The following PDCD1LG2 variants were observed in gnomAD, a reference collection of about 807,000 sequenced individuals.
PDCD1LG2 encodes programmed cell death 1 ligand 2, also known as B7 dendritic cell molecule.
PDCD1LG2 carries 32 observed loss-of-function variants against 28.2 expected under a neutral mutation model. The observed-to-expected ratio is 1.13, with a 90% CI of 0.86 to 1.52. PDCD1LG2 has a LOEUF of 1.52. Among genes scored for constraint, PDCD1LG2 ranks in the 40% most tolerant of loss-of-function variants. PDCD1LG2 has a pLI of 0.00. For missense variants in PDCD1LG2, 385 were observed against 323.8 expected (o/e 1.19, Z -1.45); for synonymous variants, 116 against 120.2 (o/e 0.97, Z 0.23).
rs1816738038 is a variant in PDCD1LG2 at position 5,569,842 on chromosome 9, C to G, written c.817-112C>G. 6 of 1,075,042 alleles carry G rather than the reference C, an allele frequency of 5.6e-6. No homozygotes were observed. The Admixed American group carries it at 1.1e-4, about 20-fold the overall frequency. 66.6% of individuals were successfully genotyped at this position (1,075,042 alleles called of 1,614,324 possible). On this transcript the variant is annotated intron_variant, in intron 6 of 6. Coordinates refer to ENST00000397747, the MANE Select transcript of PDCD1LG2 (RefSeq NM_025239.4). This position sits in a 1 kb window ranked among gnomAD's most constrained non-coding sequence, Gnocchi z 4.1. ...GAAAAGTTTTAAACCATGCGGCTTC[C>G]AGCTAGATGAACTTTTTTAAAAAAA...
At chr9:5,556,208 A>C (rs1205176875) in intron 4 of PDCD1LG2, among the ~76,000 whole-genome samples, 1 of 152,186 alleles carries the variant, frequency 6.6e-6, no homozygotes, top group African/African-American at 2.4e-5. Flanking sequence ...CCTGCACAGG[A>C]CAAGGGTTTG....
Position 5,557,805 on chromosome 9 carries a change from G to C in PDCD1LG2, c.766+53G>C, listed in dbSNP as rs1816476998. ...AATGCACTGGGTGTCTGCAGCATGA[G>C]CCACTGCTTTGCACTGCAGGCCTAT... On this transcript the variant is annotated intron_variant, in intron 5 of 6. Coordinates refer to ENST00000397747, the MANE Select transcript of PDCD1LG2 (RefSeq NM_025239.4). 1.9e-6 allele frequency: 3 copies of C among 1,602,196 alleles called. No individual in the cohort carries two copies. In the South Asian group the frequency reaches 3.3e-5, roughly 18 times the overall value.
intron 4 of PDCD1LG2, among the ~76,000 whole-genome samples, chr9:5,549,970 G>T (rs1289023305): frequency 6.6e-6 from 1 of 152,160 alleles, no homozygotes; most frequent in African/African-American, 2.4e-5. Context: ...CCTCCCATTG[G>T]CTGAACCCAG....
chr9:5,569,854 C>A lies in PDCD1LG2; in HGVS notation c.817-100C>A. The A allele has an allele frequency of 7.9e-7, 1 of 1,273,374 alleles. No individual in the cohort carries two copies. The highest frequency in any genetic ancestry group is 1.9e-5 in the Admixed American group (1 of 53,912). 78.9% of individuals were successfully genotyped at this position (1,273,374 alleles called of 1,614,324 possible). A position where few individuals can be genotyped will look rare whatever the true frequency, so the allele number is the denominator to read the frequency against. On this transcript the variant is annotated intron_variant, in intron 6 of 6. Coordinates refer to ENST00000397747, the MANE Select transcript of PDCD1LG2 (RefSeq NM_025239.4). This position sits in a 1 kb window ranked among gnomAD's most constrained non-coding sequence, Gnocchi z 4.1. The stretch of plus-strand genomic sequence containing the variant: ...ACCATGCGGCTTCCAGCTAGATGAA[C>A]TTTTTTAAAAAAATTAGTTCCTCAC...
rs61760971 is a variant in PDCD1LG2, at chr9:5,534,930, C to T, written c.241C>T (p.Pro81Ser). ...AGCCACTTTGCTGGAGGAGCAGCTG[C>T]CCCTAGGGAAGGCCTCGTTCCACAT... ...ERATLLEEQL[P>S]LGKASFHIPQ... Residue 81 changes from proline (P) to serine (S), a missense_variant, in exon 3 of 7, where the codon CCC (proline) becomes TCC (serine). Pro to Ser is a moderately conservative substitution (Grantham distance 74). Coordinates refer to ENST00000397747, the MANE Select transcript of PDCD1LG2 (RefSeq NM_025239.4). 405 of 1,613,960 alleles carry T rather than the reference C, an allele frequency of 2.5e-4. 1 individual carries two copies. The highest frequency in any genetic ancestry group is 3.1e-4 in the Non-Finnish European group (364 of 1,180,006).
At position 5,569,365 on chromosome 9, in the gene PDCD1LG2, T is replaced by TA. The variant is rs1816727201; in HGVS notation, c.817-584dup. Among the ~76,000 whole-genome samples the TA allele has an allele frequency of 6.6e-6, 1 of 152,030 alleles. No individual in the cohort carries two copies. The highest frequency in any genetic ancestry group is 1.5e-5 in the Non-Finnish European group (1 of 68,018). ...GAGGGAGCAGTTCCCAGAACCCTAG[T>TA]AAAAATGGCAATGAGAAAGGTCCAT... On this transcript the variant is annotated intron_variant, in intron 6 of 6. Coordinates refer to ENST00000397747, the MANE Select transcript of PDCD1LG2 (RefSeq NM_025239.4). This position sits in a 1 kb window ranked among gnomAD's most constrained non-coding sequence, Gnocchi z 4.1.
At chr9:5,564,566 T>C (rs2129953208) in intron 6 of PDCD1LG2, among the ~76,000 whole-genome samples, 1 of 152,344 alleles carries the variant, frequency 6.6e-6, no homozygotes, top group East Asian at 1.9e-4. Flanking sequence ...CTAGATAGCT[T>C]TGGAAAGGTC....
intron 3 of PDCD1LG2, among the ~76,000 whole-genome samples, chr9:5,549,127 G>C (rs986776461): frequency 2.0e-5 from 3 of 152,122 alleles, no homozygotes; most frequent in African/African-American, 7.2e-5. Context: ...TATCAACAAT[G>C]CCATCTTTAT....
At chr9:5,545,247 T>C (rs970060316) in intron 3 of PDCD1LG2, among the ~76,000 whole-genome samples, 1 of 152,266 alleles carries the variant, frequency 6.6e-6, no homozygotes, top group Non-Finnish European at 1.5e-5. Flanking sequence ...AACTAGCCCT[T>C]GGCTAAAGCC....
chr9:5,548,135 C>T (rs1586812094), intron 3 of PDCD1LG2, among the ~76,000 whole-genome samples: 1 of 152,096 alleles, frequency 6.6e-6, no homozygotes, highest in East Asian at 1.9e-4. Context: ...AAAACATTTC[C>T]TCTACTCTGA....
intron 5 of PDCD1LG2, 94 bp from the exon 6 acceptor site, chr9:5,563,068 T>C (rs1186756487): frequency 2.8e-6 from 3 of 1,067,856 alleles, no homozygotes; most frequent in South Asian, 1.4e-5. Flanking sequence ...TGTGGATTTA[T>C]TTAGATTTAC....
At chr9:5,556,195 G>T (rs1816438346) in intron 4 of PDCD1LG2, among the ~76,000 whole-genome samples, 1 of 152,150 alleles carries the variant, frequency 6.6e-6, no homozygotes. Context: ...GACTATGAGG[G>T]AACCTGCACA....
chr9:5,525,873 C>T (rs1554644195), intron 2 of PDCD1LG2, among the ~76,000 whole-genome samples: 1 of 151,838 alleles, frequency 6.6e-6, no homozygotes, highest in Non-Finnish European at 1.5e-5. Context: ...ATGGTGAAAC[C>T]TCGTCTCTAC....
chr9:5,549,375 A>C lies in PDCD1LG2; in HGVS notation c.402A>C (p.Pro134=). Residue 134 remains proline, a synonymous_variant, in exon 4 of 7, where the codon CCA becomes CCC. Coordinates refer to ENST00000397747, the MANE Select transcript of PDCD1LG2 (RefSeq NM_025239.4). The stretch of plus-strand genomic sequence containing the variant: ...TAAACACTCACATCCTAAAGGTTCC[A>C]GAAACAGATGAGGTAGAGCTCACCT... ...RKINTHILKV[P]ETDEVELTCQ... is the part of the protein sequence containing the mutation. 6.2e-7 allele frequency: 1 copy of C among 1,614,184 alleles called. No individual in the cohort carries two copies. The highest frequency in any genetic ancestry group is 1.1e-5 in the South Asian group (1 of 91,086).
chr9:5,563,422 C>G (rs1352909912), intron 6 of PDCD1LG2, among the ~76,000 whole-genome samples: 1 of 152,152 alleles, frequency 6.6e-6, no homozygotes. Context: ...CCTAAGCACT[C>G]CTAGATGATA....
At chr9:5,561,606 C>A (rs934636500) in intron 5 of PDCD1LG2, among the ~76,000 whole-genome samples, 1 of 152,208 alleles carries the variant, frequency 6.6e-6, no homozygotes, top group Non-Finnish European at 1.5e-5. Flanking sequence ...CATTGACTTG[C>A]TGAGCCAATG....
intron 1 of PDCD1LG2, among the ~76,000 whole-genome samples, chr9:5,513,197 C>G (rs943580614): frequency 6.6e-6 from 1 of 152,250 alleles, no homozygotes; most frequent in African/African-American, 2.4e-5. Flanking sequence ...ACATTCTCAA[C>G]CTAAGTGTCC....
intron 1 of PDCD1LG2, among the ~76,000 whole-genome samples, chr9:5,521,369 A>G (rs1820270760): frequency 6.6e-6 from 1 of 152,218 alleles, no homozygotes; most frequent in Non-Finnish European, 1.5e-5. Flanking sequence ...TTGTGTTTTA[A>G]ATATATATAC....
intron 5 of PDCD1LG2, among the ~76,000 whole-genome samples, chr9:5,558,111 T>C (rs894474995): frequency 2.6e-5 from 4 of 152,192 alleles, no homozygotes; most frequent in Non-Finnish European, 5.9e-5. Context: ...GGATCCTTTC[T>C]GAGGATTCCT....
Sources: allele counts gnomAD v4.1 joint callset (sites outside exome capture counted in the v4.1 genomes callset), GRCh38; gene constraint gnomAD v4.1.1; non-coding constraint Gnocchi (gnomAD v3.1); transcripts MANE v1.5; gene names NCBI Gene and HGNC (gene_info 2026-07-23, HGNC 2026-07-21).